Variants in PBX1 observed in about 807,000 individuals in gnomAD.
PBX1 encodes PBX homeobox 1, also known as pre-B-cell leukemia transcription factor 1.
PBX1 carries 6 observed loss-of-function variants against 53.4 expected under a neutral mutation model. The observed-to-expected ratio is 0.11, with a 90% CI of 0.06 to 0.22. The LOEUF (loss-of-function observed/expected upper bound fraction) is 0.22. PBX1 is among the 10% of genes least tolerant of loss of function. PBX1 has a pLI of 1.00. For missense variants in PBX1, 251 were observed against 551.4 expected (o/e 0.46, Z 5.46); for synonymous variants, 204 against 212.3 (o/e 0.96, Z 0.34).
At chr1:164,726,726 G>T (rs1664719039) in intron 2 of PBX1, among the ~76,000 whole-genome samples, 1 of 152,108 alleles carries the variant, frequency 6.6e-6, no homozygotes, top group African/African-American at 2.4e-5. Flanking sequence ...TGTTTTACTA[G>T]TAAAAGCAGC....
At chr1:164,650,209 G>T (rs1659714831) in intron 2 of PBX1, among the ~76,000 whole-genome samples, 1 of 151,538 alleles carries the variant, frequency 6.6e-6, no homozygotes, top group African/African-American at 2.4e-5. Context: ...CTGGTGTAAA[G>T]AGAGACTTTT....
intron 2 of PBX1, among the ~76,000 whole-genome samples, chr1:164,700,053 T>C (rs188983006): frequency 2.7e-4 from 41 of 152,238 alleles, no homozygotes; most frequent in Admixed American, 2.6e-3. Flanking sequence ...AATGAGGTAA[T>C]GTGGCGGGAG....
At chr1:164,586,070 A>G (rs1654933352) in intron 2 of PBX1, among the ~76,000 whole-genome samples, 1 of 152,238 alleles carries the variant, frequency 6.6e-6, no homozygotes, top group Non-Finnish European at 1.5e-5. Flanking sequence ...ATATTCACAG[A>G]TAGGTGCTGT....
intron 2 of PBX1, among the ~76,000 whole-genome samples, chr1:164,759,913 A>G (rs1411858873): frequency 6.6e-6 from 1 of 152,114 alleles, no homozygotes; most frequent in East Asian, 1.9e-4. Flanking sequence ...ACAGTAAGAT[A>G]TGACTGCTTG....
chr1:164,664,802 A>G (rs572099607), intron 2 of PBX1, among the ~76,000 whole-genome samples: 5 of 152,090 alleles, frequency 3.3e-5, no homozygotes, highest in Admixed American at 3.3e-4. Flanking sequence ...GGGCAGGGGA[A>G]CTCCCCGTTG....
chr1:164,734,817 A>G (rs927620757), intron 2 of PBX1, among the ~76,000 whole-genome samples: 1 of 152,142 alleles, frequency 6.6e-6, no homozygotes, highest in Non-Finnish European at 1.5e-5. Flanking sequence ...TGTGATCTGG[A>G]GAGGGAATAT....
chr1:164,827,519 A>T (rs1285329917), intron 8 of PBX1, among the ~76,000 whole-genome samples: 2 of 152,218 alleles, frequency 1.3e-5, no homozygotes, highest in Non-Finnish European at 2.9e-5. Context: ...GAGATAGAGT[A>T]GATAGATGGA....
chr1:164,863,193 G>T (rs565229365), intron 2 of PBX1, among the ~76,000 whole-genome samples: 52 of 152,340 alleles, frequency 3.4e-4, no homozygotes, highest in Admixed American at 1.0e-3. Context: ...CTGGGCCCTG[G>T]CAGGGAGCTG....
At chr1:164,875,034 C>G (rs772417944) in intron 2 of PBX1, among the ~76,000 whole-genome samples, 2 of 152,160 alleles carry the variant, frequency 1.3e-5, no homozygotes, top group African/African-American at 2.4e-5. Flanking sequence ...GGAAGAAATA[C>G]AACGACTTTT....
chr1:164,843,354 T>A (rs763283491), intron 8 of PBX1, among the ~76,000 whole-genome samples: 2 of 152,150 alleles, frequency 1.3e-5, no homozygotes, highest in Admixed American at 1.3e-4. Context: ...CTAAATTTGG[T>A]GAGAAGTGGG....
intron 2 of PBX1, among the ~76,000 whole-genome samples, chr1:164,658,482 G>A (rs1660296581): frequency 6.6e-6 from 1 of 152,106 alleles, no homozygotes; most frequent in African/African-American, 2.4e-5. Flanking sequence ...ACAGATAATG[G>A]CTGTGACATT....
chr1:164,578,070 T>C (rs779194931), intron 2 of PBX1, among the ~76,000 whole-genome samples: 7 of 152,144 alleles, frequency 4.6e-5, no homozygotes, highest in Non-Finnish European at 8.8e-5. Flanking sequence ...TTGACTCCTC[T>C]CTAGGTGTTT....
chr1:164,773,291 CTG>C (rs2102252595), intron 2 of PBX1, among the ~76,000 whole-genome samples: 1 of 109,932 alleles, frequency 9.1e-6, no homozygotes, highest in African/African-American at 3.6e-5. Flanking sequence ...TCTTGATATG[CTG>C]TCTCTTGCCT....
At chr1:164,608,981 A>G (rs1190638512) in intron 2 of PBX1, among the ~76,000 whole-genome samples, 8 of 152,140 alleles carry the variant, frequency 5.3e-5, no homozygotes, top group African/African-American at 1.9e-4. Context: ...TGAAATATAA[A>G]ACATCTGCTC....
chr1:164,668,182 A>G (rs1482007001), intron 2 of PBX1, among the ~76,000 whole-genome samples: 1 of 152,136 alleles, frequency 6.6e-6, no homozygotes, highest in Non-Finnish European at 1.5e-5. Context: ...ATGGTCCTGA[A>G]CTTGTCTTTT....
At chr1:164,591,171 C>T (rs1655348536) in intron 2 of PBX1, among the ~76,000 whole-genome samples, 1 of 152,044 alleles carries the variant, frequency 6.6e-6, no homozygotes, top group Non-Finnish European at 1.5e-5. Flanking sequence ...GTCACCATGC[C>T]CAGCTAATTT....
intron 2 of PBX1, among the ~76,000 whole-genome samples, chr1:164,633,903 A>G (rs1047362026): frequency 2.6e-5 from 4 of 152,188 alleles, no homozygotes; most frequent in Non-Finnish European, 5.9e-5. Context: ...TATTATTGTT[A>G]TTATTATTTT....
At chr1:164,766,712 C>A (rs1373918757) in intron 2 of PBX1, among the ~76,000 whole-genome samples, 3 of 149,790 alleles carry the variant, frequency 2.0e-5, no homozygotes, top group African/African-American at 4.9e-5. Flanking sequence ...CTTTTCTTTC[C>A]TTTTCTTTTA....
intron 2 of PBX1, among the ~76,000 whole-genome samples, chr1:164,719,100 A>G (rs1664268818): frequency 6.6e-6 from 1 of 152,170 alleles, no homozygotes; most frequent in African/African-American, 2.4e-5. Context: ...TAAACTGAAC[A>G]AGCTAGGGGC....
Sources: gnomAD v4.1 joint callset for allele counts (sites outside exome capture counted in the v4.1 genomes callset) on GRCh38, gnomAD v4.1.1 for gene constraint, MANE v1.5 for transcripts, NCBI Gene and HGNC (gene_info 2026-07-23, HGNC 2026-07-21) for gene names.